INPP5D: variants seen among roughly 807,000 people sequenced by gnomAD.
The protein encoded by INPP5D is inositol polyphosphate-5-phosphatase D.
A neutral mutation model predicts 122.9 loss-of-function variants in INPP5D; 33 were observed. The observed-to-expected ratio is 0.27, with a 90% CI of 0.20 to 0.36. INPP5D has a LOEUF of 0.36. Among genes scored for constraint, INPP5D ranks in the 10% least tolerant of loss-of-function variants. The pLI is 1.00. For missense variants in INPP5D, 1,053 were observed against 1,412.7 expected, an observed-to-expected ratio of 0.75 and a Z score of 4.08; for synonymous variants, 584 against 576.2, an observed-to-expected ratio of 1.01 and a Z score of -0.19.
chr2:233,164,705 C>T lies in INPP5D; in HGVS notation c.1555+281C>T, dbSNP rs139968581. Among the ~76,000 whole-genome samples, 12 of 152,244 alleles carry T rather than the reference C, an allele frequency of 7.9e-5. No individual in the cohort carries two copies. The highest frequency in any genetic ancestry group is 1.9e-4 in the African/African-American group (8 of 41,538). On this transcript the variant is annotated intron_variant, in intron 13 of 26. Coordinates refer to ENST00000445964, the MANE Select transcript of INPP5D (RefSeq NM_001017915.3). This position sits in a 1 kb window ranked among gnomAD's most constrained non-coding sequence, Gnocchi z 4.3. ...TCCAAGTTTCTGACAGGTTCCCAGG[C>T]GACTTGAGCGCTGCTGGTCGGCCCG... is the stretch of plus-strand genomic sequence containing the variant.
intron 2 of INPP5D, among the ~76,000 whole-genome samples, chr2:233,098,978 G>A (rs1046395060): frequency 6.7e-5 from 4 of 59,844 alleles, no homozygotes; most frequent in Admixed American, 4.9e-4. Context: ...TTGAGACAGA[G>A]TCTCACTCTG....
chr2:233,186,734 T>G (rs1331596243), intron 21 of INPP5D, among the ~76,000 whole-genome samples: 20 of 80,464 alleles, frequency 2.5e-4, no homozygotes, highest in African/African-American at 1.1e-3. Context: ...TTTTTTTTTT[T>G]TTTTTTGAGA....
At position 233,164,510 on chromosome 2, in the gene INPP5D, C is replaced by A; in HGVS notation, c.1555+86C>A. 1 of 1,413,830 alleles carries A rather than the reference C, an allele frequency of 7.1e-7. No homozygotes were observed. Among genetic ancestry groups the A allele is most frequent in the East Asian group, 2.6e-5 (1 of 38,294 alleles). 87.6% of individuals were successfully genotyped at this position (1,413,830 alleles called of 1,614,324 possible). ...ATCATCCTGATCCCACCAGTAGTTC[C>A]CCGGGTTAAAAACAGAGAGCCTCAC... On this transcript the variant is annotated intron_variant, in intron 13 of 26. Transcript: ENST00000445964. The surrounding 1 kb of genome is among the most constrained non-coding windows in gnomAD (Gnocchi z 4.3).
At chr2:233,127,624 T>G (rs2106261346) in intron 4 of INPP5D, among the ~76,000 whole-genome samples, 1 of 152,366 alleles carries the variant, frequency 6.6e-6, no homozygotes, top group East Asian at 1.9e-4. Context: ...ACTTTTATTT[T>G]TGAGACGGAG....
At chr2:233,072,810 T>G (rs1158362881) in intron 1 of INPP5D, among the ~76,000 whole-genome samples, 1 of 152,260 alleles carries the variant, frequency 6.6e-6, no homozygotes. Context: ...TGTCTTCATT[T>G]TCTCATTTCT....
chr2:233,083,619 C>T (rs1456810952), intron 2 of INPP5D, among the ~76,000 whole-genome samples: 2 of 152,206 alleles, frequency 1.3e-5, no homozygotes, highest in Non-Finnish European at 2.9e-5. Flanking sequence ...TGACTCTCCC[C>T]TAAGAGAAGC....
At position 233,206,205 on chromosome 2, in the gene INPP5D, TA is replaced by T. The variant is rs1464779986; in HGVS notation, c.3568-500del. Among the ~76,000 whole-genome samples the T allele has an allele frequency of 3.3e-5, 5 of 152,238 alleles. No homozygotes were observed. Among genetic ancestry groups the T allele is most frequent in the Admixed American group, 2.6e-4 (4 of 15,296 alleles). On this transcript the variant is annotated intron_variant, in intron 26 of 26. Transcript: ENST00000445964. The surrounding 1 kb of genome is among the most constrained non-coding windows in gnomAD (Gnocchi z 4.0). ...GTTAATAGTACCTACCTCATAGACT[TA>T]GAAGGAGAATTGCATTGTAGGCTAT...
At chr2:233,181,288 T>C (rs773979600) in intron 18 of INPP5D, among the ~76,000 whole-genome samples, 12 of 152,170 alleles carry the variant, frequency 7.9e-5, no homozygotes, top group Non-Finnish European at 1.8e-4. Context: ...GGGTGGAGTG[T>C]TTATCTTTTT....
intron 23 of INPP5D, among the ~76,000 whole-genome samples, 195 bp downstream of exon 23, chr2:233,194,156 A>G (rs1695123376): frequency 6.6e-6 from 1 of 152,088 alleles, no homozygotes; most frequent in Non-Finnish European, 1.5e-5. Context: ...CCCAACATCC[A>G]GCACCCCCAG....
At chr2:233,186,768 G>T (rs80137409) in intron 21 of INPP5D, among the ~76,000 whole-genome samples, 8,544 of 111,668 alleles carry the variant, frequency 0.077, 644 homozygotes, top group East Asian at 0.32. Context: ...TGTTGCCCAG[G>T]CTGGAGTGCA....
intron 1 of INPP5D, among the ~76,000 whole-genome samples, chr2:233,065,588 T>C (rs1391260272): frequency 4.8e-4 from 4 of 8,252 alleles, no homozygotes; most frequent in African/African-American, 2.3e-3. Flanking sequence ...TCCTTCTTTC[T>C]TTCTTTCTTT....
At chr2:233,132,429 T>C (rs10189488) in intron 5 of INPP5D, among the ~76,000 whole-genome samples, 5,865 of 152,300 alleles carry the variant, frequency 0.039, 135 homozygotes, top group African/African-American at 0.055. Flanking sequence ...TTCTCGGGTA[T>C]GTAGTGCCGA....
intron 9 of INPP5D, among the ~76,000 whole-genome samples, chr2:233,150,284 A>C (rs950388974): frequency 6.6e-6 from 1 of 152,320 alleles, no homozygotes; most frequent in African/African-American, 2.4e-5. Context: ...AATAAATCTC[A>C]TGAGATCTGA....
intron 5 of INPP5D, among the ~76,000 whole-genome samples, chr2:233,136,773 AG>A (rs1693476617): frequency 6.6e-6 from 1 of 152,260 alleles, no homozygotes; most frequent in South Asian, 2.1e-4. Flanking sequence ...GAGGAGGACA[AG>A]ATGGTAAAAA....
intron 25 of INPP5D, among the ~76,000 whole-genome samples, chr2:233,203,633 C>T (rs959248488): frequency 2.0e-5 from 3 of 152,150 alleles, no homozygotes; most frequent in Non-Finnish European, 4.4e-5. Context: ...GGCTTATGCC[C>T]ATAATCCCAG....
Position 233,177,537 on chromosome 2 carries a change from T to C in INPP5D, c.2071+191T>C, listed in dbSNP as rs1341535118. The stretch of plus-strand genomic sequence containing the variant: ...GTCTTGTGCTGCCACCTAATCCATA[T>C]CCCCTGCTTTAGGAGACATTTGAAT... On this transcript the variant is annotated intron_variant, in intron 18 of 26. Transcript: ENST00000445964. The surrounding 1 kb of genome is among the most constrained non-coding windows in gnomAD (Gnocchi z 4.2). 1.3e-5 allele frequency among the ~76,000 whole-genome samples: 2 copies of C among 152,318 alleles called. No homozygotes were observed. The highest frequency in any genetic ancestry group is 4.8e-5 in the African/African-American group (2 of 41,588).
At chr2:233,149,956 G>A (rs1693880433) in intron 9 of INPP5D, among the ~76,000 whole-genome samples, 1 of 152,130 alleles carries the variant, frequency 6.6e-6, no homozygotes, top group Non-Finnish European at 1.5e-5. Flanking sequence ...GCTGATCTCA[G>A]GGAATGGCTG....
At chr2:233,195,930 C>T (rs1695171133) in intron 24 of INPP5D, among the ~76,000 whole-genome samples, 1 of 152,140 alleles carries the variant, frequency 6.6e-6, no homozygotes, top group African/African-American at 2.4e-5. Context: ...GAGATTTCAC[C>T]ACTGTACTCC....
chr2:233,107,784 G>A (rs1692506098), intron 2 of INPP5D, among the ~76,000 whole-genome samples: 1 of 152,122 alleles, frequency 6.6e-6, no homozygotes, highest in Non-Finnish European at 1.5e-5. Flanking sequence ...GAGTCATGAT[G>A]TCCCTGCTGG....
Sources: gnomAD v4.1 joint callset for allele counts (sites outside exome capture counted in the v4.1 genomes callset) on GRCh38, gnomAD v4.1.1 for gene constraint, Gnocchi (gnomAD v3.1) non-coding constraint, MANE v1.5 for transcripts, NCBI Gene and HGNC (gene_info 2026-07-23, HGNC 2026-07-21) for gene names.